GPBP1L1: variants seen among roughly 807,000 people sequenced by gnomAD.
GPBP1L1 encodes vasculin-like protein 1.
A neutral mutation model predicts 52.5 loss-of-function variants in GPBP1L1; 23 were observed. That is an observed-to-expected ratio of 0.44 (90% confidence interval 0.32 to 0.62). The LOEUF is 0.62. Among genes scored for constraint, GPBP1L1 ranks in the 20% least tolerant of loss-of-function variants. GPBP1L1 has a pLI of 0.06. For synonymous variants in GPBP1L1, 243 were observed against 203.1 expected, an observed-to-expected ratio of 1.20 and a Z score of -1.67; for missense variants, 596 against 579.3, an observed-to-expected ratio of 1.03 and a Z score of -0.30.
intron 2 of GPBP1L1, among the ~76,000 whole-genome samples, chr1:45,669,435 G>A (rs1261293849): frequency 6.6e-6 from 1 of 152,234 alleles, no homozygotes; most frequent in Non-Finnish European, 1.5e-5. Context: ...GTAGGTGTGA[G>A]CCACTGTGGC....
intron 2 of GPBP1L1, among the ~76,000 whole-genome samples, chr1:45,679,885 T>C (rs1264379130): frequency 1.2e-4 from 12 of 103,822 alleles, no homozygotes; most frequent in Non-Finnish European, 1.9e-5. Context: ...GAGACTCTTA[T>C]CTATACAAAA....
Position 45,665,477 on chromosome 1 carries a change from G to A in GPBP1L1, c.-1097-4252C>T, listed in dbSNP as rs1569856872. On this transcript the variant is annotated intron_variant, in intron 2 of 12. Coordinates refer to ENST00000355105, the MANE Select transcript of GPBP1L1 (RefSeq NM_021639.5). ...ATAAAGATGGAAAAGTTGGCCAAGC[G>A]CGGTGGCTCACACTTGTAATCCCAG... Among the ~76,000 whole-genome samples the A allele has an allele frequency of 3.9e-5, 6 of 152,178 alleles. No individual in the cohort carries two copies. In the South Asian group the frequency reaches 8.3e-4, roughly 21 times the overall value.
At chr1:45,640,163 C>A (rs368020123) in intron 8 of GPBP1L1, 47 bp downstream of exon 8, 77 of 1,457,494 alleles carry the variant, frequency 5.3e-5, no homozygotes, top group Non-Finnish European at 6.8e-5. Context: ...CTGATTTATT[C>A]CCAAACCTCT....
intron 12 of GPBP1L1, among the ~76,000 whole-genome samples, chr1:45,628,972 A>G (rs1644493849): frequency 6.6e-6 from 1 of 152,158 alleles, no homozygotes; most frequent in South Asian, 2.1e-4. Context: ...ATAAGTCCTT[A>G]TTTCTAACAG....
chr1:45,673,045 T>C (rs964845557), intron 2 of GPBP1L1, among the ~76,000 whole-genome samples: 5 of 152,210 alleles, frequency 3.3e-5, no homozygotes, highest in African/African-American at 1.2e-4. Flanking sequence ...AGTTTTTTAC[T>C]GCACTGATAG....
chr1:45,654,602 T>C lies in GPBP1L1; in HGVS notation c.418A>G (p.Ile140Val), dbSNP rs1644860260. Reference protein sequence around the residue: ...CAFQEKPPMEIREEKKEDKVE... With the variant: ...CAFQEKPPMEVREEKKEDKVE... The stretch of plus-strand genomic sequence containing the variant: ...TTGTCTTCTTTCTTTTCTTCCCTAA[T>C]CTCCATAGGTGGCTTTTCCTGAAAA... Residue 140 changes from isoleucine (I) to valine (V), a missense_variant, in exon 6 of 13, where the codon ATT (isoleucine) becomes GTT (valine). By Grantham distance (29) the Ile-to-Val change is conservative. Coordinates refer to ENST00000355105, the MANE Select transcript of GPBP1L1 (RefSeq NM_021639.5). 2 of 1,613,940 alleles carry C rather than the reference T, an allele frequency of 1.2e-6. No individual in the cohort carries two copies. Among genetic ancestry groups the C allele is most frequent in the African/African-American group, 1.3e-5 (1 of 74,906 alleles).
intron 8 of GPBP1L1, among the ~76,000 whole-genome samples, chr1:45,639,737 C>A (rs1644645784): frequency 6.6e-6 from 1 of 151,916 alleles, no homozygotes; most frequent in African/African-American, 2.4e-5. Context: ...AACACCGAGC[C>A]GGGTGTGGTG....
intron 1 of GPBP1L1, 80 bp from the exon 2 acceptor site, chr1:45,685,700 T>C (rs927391823): frequency 6.6e-6 from 1 of 152,254 alleles, no homozygotes; most frequent in Non-Finnish European, 1.5e-5. Flanking sequence ...CGTTAATGTA[T>C]TTAAGTAATC....
At chr1:45,634,045 A>T (rs1644563836) in intron 9 of GPBP1L1, 51 bp downstream of exon 9, 2 of 1,539,694 alleles carry the variant, frequency 1.3e-6, no homozygotes, top group Non-Finnish European at 1.8e-6. Flanking sequence ...TATCTAAGTG[A>T]ACGGGAAATG....
chr1:45,645,956 C>CTT, intron 6 of GPBP1L1: 1 of 492,728 alleles, frequency 2.0e-6, no homozygotes, highest in Non-Finnish European at 3.9e-6. Context: ...TTTTCTAGAT[C>CTT]TTTGAGTTGC....
intron 10 of GPBP1L1, among the ~76,000 whole-genome samples, chr1:45,630,919 A>C (rs899473662): frequency 3.3e-5 from 5 of 152,250 alleles, no homozygotes; most frequent in African/African-American, 1.2e-4. Context: ...AACAGTGCTC[A>C]TAAGAGGTGT....
At chr1:45,640,145 A>C in intron 8 of GPBP1L1, 65 bp downstream of exon 8, 1 of 1,331,056 alleles carries the variant, frequency 7.5e-7, no homozygotes, top group East Asian at 2.3e-5. Context: ...AAATTTATTA[A>C]TTTTTTCCTG....
rs566997928 is a variant in GPBP1L1 at position 45,642,610 on chromosome 1, T to TAGC, written c.478-114_478-112dup. 3.7e-5 allele frequency: 27 copies of TAGC among 736,568 alleles called. No individual in the cohort carries two copies. In the African/African-American group the frequency reaches 3.8e-4, roughly 10 times the overall value. 45.6% of individuals were successfully genotyped at this position (736,568 alleles called of 1,614,324 possible). ...TCAAATAATTACATATTTTACATAT[T>TAGC]AGCAACACTTACTAATTTGACACTG... On this transcript the variant is annotated intron_variant, in intron 6 of 12. Coordinates refer to ENST00000355105, the MANE Select transcript of GPBP1L1 (RefSeq NM_021639.5).
chr1:45,647,857 T>C (rs1017446088), intron 6 of GPBP1L1, among the ~76,000 whole-genome samples: 8 of 152,088 alleles, frequency 5.3e-5, no homozygotes, highest in Non-Finnish European at 7.4e-5. Context: ...GGTAGGGAAA[T>C]GGGGGACTCA....
upstream of GPBP1L1, chr1:45,687,767 G>T (rs1047361839): frequency 2.0e-5 from 3 of 152,272 alleles, no homozygotes; most frequent in Non-Finnish European, 2.9e-5. Context: ...GAAAATGGAT[G>T]TAAGAACTGG....
At chr1:45,662,776 G>A (rs759002118) in intron 2 of GPBP1L1, among the ~76,000 whole-genome samples, 2 of 152,102 alleles carry the variant, frequency 1.3e-5, no homozygotes, top group Non-Finnish European at 2.9e-5. Flanking sequence ...ATTAGGCCGG[G>A]TGCGGTGGCT....
chr1:45,634,492 T>C, intron 8 of GPBP1L1: 1 of 339,342 alleles, frequency 2.9e-6, no homozygotes, highest in Non-Finnish European at 5.4e-6. Flanking sequence ...AATAGTTCAA[T>C]GAGTTTGGGA....
chr1:45,633,626 G>A lies in GPBP1L1; in HGVS notation c.907C>T (p.Pro303Ser), dbSNP rs751802312. Reference sequence around the variant, plus strand: ...AGACGAGAGGAGCTGATCTCAATTGGAGGGGTGGTGCTGGAGGGACTCTGG... The same window carrying A: ...AGACGAGAGGAGCTGATCTCAATTGAAGGGGTGGTGCTGGAGGGACTCTGG... The part of the protein sequence containing the change: ...PKESPSSTTP[P>S]IEISSSRLTK... The change falls in exon 10 of 13, where the codon CCA (proline) becomes TCA (serine). Residue 303 changes from proline (P) to serine (S), a missense_variant. By Grantham distance (74) the Pro-to-Ser change is moderately conservative (BLOSUM62 -1). Coordinates refer to ENST00000355105, the MANE Select transcript of GPBP1L1 (RefSeq NM_021639.5). The A allele has an allele frequency of 9.3e-6, 15 of 1,613,966 alleles. No homozygotes were observed. The highest frequency in any genetic ancestry group is 1.3e-5 in the Non-Finnish European group (15 of 1,179,986).
At chr1:45,654,268 T>C (rs1557707517) in intron 6 of GPBP1L1, 2 of 263,262 alleles carry the variant, frequency 7.6e-6, no homozygotes, top group Non-Finnish European at 7.2e-6. Context: ...TTAACATAAT[T>C]ATATTTGAGT....
Sources: allele counts gnomAD v4.1 joint callset (sites outside exome capture counted in the v4.1 genomes callset), GRCh38; gene constraint gnomAD v4.1.1; transcripts MANE v1.5; gene names NCBI Gene and HGNC (gene_info 2026-07-23, HGNC 2026-07-21).